Variants in SUSD2 observed in about 807,000 individuals in gnomAD.
SUSD2 encodes sushi domain containing 2, also known as sushi domain-containing protein 2.
A neutral mutation model predicts 93.8 loss-of-function variants in SUSD2; 86 were observed. The observed-to-expected ratio is 0.92, with a 90% CI of 0.77 to 1.10. The LOEUF (loss-of-function observed/expected upper bound fraction) is 1.10, where lower values mean the gene tolerates loss of function less well. Ranked by LOEUF, SUSD2 falls within the 50% of genes least tolerant of loss-of-function variation. SUSD2 has a pLI of 0.00. For missense variants in SUSD2, 1,060 were observed against 1,137.0 expected, an observed-to-expected ratio of 0.93 and a Z score of 0.97; for synonymous variants, 483 against 485.0, an observed-to-expected ratio of 1.00 and a Z score of 0.05.
chr22:24,184,105 C>T, intron 3 of SUSD2, 31 bp from the exon 4 acceptor site: 3 of 1,609,280 alleles, frequency 1.9e-6, no homozygotes, highest in Non-Finnish European at 2.5e-6. Context: ...TGGGCCCAGG[C>T]CCTCACTCAC....
At chr22:24,182,823 T>C in intron 1 of SUSD2, 1 of 551,232 alleles carries the variant, frequency 1.8e-6, no homozygotes, top group Admixed American at 3.3e-5. Context: ...TCTCGCTGCA[T>C]TCTAGCCCGT....
In SUSD2 at chr22:24,185,096, A is replaced by G; in HGVS notation, c.785A>G (p.Asp262Gly). Residue 262 changes from aspartate (D) to glycine (G), a missense_variant and splice_region_variant, in exon 6 of 15, where the codon GAC (aspartate) becomes GGC (glycine). By Grantham distance (94) the Asp-to-Gly change is moderately conservative. Coordinates refer to ENST00000358321, the MANE Select transcript of SUSD2 (RefSeq NM_019601.4). ...CTCCAGCATCATCACCTCCACAGGGACGTGCAGGCGCTCTGGACCAACGAC... is the reference window on the plus strand; with the variant it reads ...CTCCAGCATCATCACCTCCACAGGGGCGTGCAGGCGCTCTGGACCAACGAC... ...IDSKNYAGQK[D>G]VQALWTNDHA... 2 of 1,612,924 alleles carry G rather than the reference A, an allele frequency of 1.2e-6. No individual in the cohort carries two copies. Among genetic ancestry groups the G allele is most frequent in the South Asian group, 2.2e-5 (2 of 91,078 alleles).
Position 24,185,918 on chromosome 22 carries a change from C to A in SUSD2, c.1328C>A (p.Pro443His). The change falls in exon 8 of 15, where the codon CCC becomes CAC. Residue 443 changes from proline to histidine, a missense_variant. Pro to His is a moderately conservative substitution (Grantham distance 77, BLOSUM62 -2). Around this residue, in one of 2 missense-constraint regions of SUSD2, gnomAD observed 973 missense variants for 1,005.3 expected, o/e 0.97. Coordinates refer to ENST00000358321, the MANE Select transcript of SUSD2 (RefSeq NM_019601.4). ...RPSNDCRNYR[P>H]PRLASAFGDP... ...TCCAATGACTGCCGCAACTACCGGC[C>A]CCCAAGACTGGGTGGGTGCCATCCC... is the stretch of plus-strand genomic sequence containing the variant. 1 of 1,570,600 alleles carries A rather than the reference C, an allele frequency of 6.4e-7. No individual in the cohort carries two copies. The highest frequency in any genetic ancestry group is 2.3e-5 in the East Asian group (1 of 43,400).
chr22:24,182,862 G>A, intron 1 of SUSD2, 195 bp from the exon 2 acceptor site: 1 of 597,868 alleles, frequency 1.7e-6, no homozygotes, highest in African/African-American at 1.9e-5. Flanking sequence ...GATGGTCTGT[G>A]CTAAGATTCA....
intron 4 of SUSD2, 68 bp downstream of exon 4, chr22:24,184,371 C>A: frequency 6.5e-7 from 1 of 1,530,410 alleles, no homozygotes; most frequent in Non-Finnish European, 8.9e-7. Flanking sequence ...AAGGGGGTCC[C>A]AGCTGTGTGG....
Position 24,188,098 on chromosome 22 carries a change from CG to C in SUSD2, c.2306del (p.Gly769AlafsTer136). 1.2e-6 allele frequency: 2 copies of C among 1,612,980 alleles called. No homozygotes were observed. Among genetic ancestry groups the C allele is most frequent in the Non-Finnish European group, 1.7e-6 (2 of 1,179,904 alleles). On this transcript the variant is annotated frameshift_variant, in exon 13 of 15. Transcript: ENST00000358321. LOFTEE classifies it high-confidence loss of function. This position sits in a 1 kb window ranked among gnomAD's most constrained non-coding sequence, Gnocchi z 4.7. ...CAGAGACCAGCACCTGCCAGGCTGACGGCACCTGGTCCTCACCCACCCCGAA... is the reference window on the plus strand; with the variant it reads ...CAGAGACCAGCACCTGCCAGGCTGACGCACCTGGTCCTCACCCACCCCGAA... Reference protein sequence around the residue: ...GAETSTCQADGTWSSPTPKCQ... With the variant: ...GAETSTCQADXTWSSPTPKCQ...
rs1165783484 is a variant in SUSD2 at position 24,181,555 on chromosome 22, G to A, written c.36G>A (p.Leu12=). ...CCCTCCTGCCCTGGGCCCTGCTGCTGCTGGCGACAGCCCTCGGCCCGGGCC... is the reference window on the plus strand; with the variant it reads ...CCCTCCTGCCCTGGGCCCTGCTGCTACTGGCGACAGCCCTCGGCCCGGGCC... The part of the protein sequence containing the change: ...KPALLPWALL[L]LATALGPGPG... The change falls in exon 1 of 15, where the codon CTG becomes CTA. Residue 12 remains leucine (L), a synonymous_variant. Transcript: ENST00000358321. The A allele has an allele frequency of 2.5e-6, 4 of 1,599,412 alleles. No individual in the cohort carries two copies. The Admixed American group carries it at 5.1e-5, about 20-fold the overall frequency.
chr22:24,184,939 A>T lies in SUSD2; in HGVS notation c.781A>T (p.Lys261Ter). 1 of 1,613,642 alleles carries T rather than the reference A, an allele frequency of 6.2e-7. No individual in the cohort carries two copies. Among genetic ancestry groups the T allele is most frequent in the Non-Finnish European group, 8.5e-7 (1 of 1,179,862 alleles). Residue 261 changes from lysine to a stop codon, truncating the protein, a stop_gained and splice_region_variant, in exon 5 of 15, where the codon AAG becomes TAG. Coordinates refer to ENST00000358321, the MANE Select transcript of SUSD2 (RefSeq NM_019601.4). LOFTEE classifies it high-confidence loss of function. ...IIDSKNYAGQ[K>*]DVQALWTNDH... ...CGACAGCAAAAATTACGCAGGGCAG[A>T]AGTAAGAAGGCATGGATGTGCAGGT...
At chr22:24,183,024 G>A (rs1363920615) in intron 1 of SUSD2, 33 bp from the exon 2 acceptor site, 18 of 1,598,296 alleles carry the variant, frequency 1.1e-5, no homozygotes, top group South Asian at 4.4e-5. Context: ...TCCAGTACCC[G>A]CCGGGCCAGG....
At position 24,187,221 on chromosome 22, in the gene SUSD2, T is replaced by C. The variant is rs1387014477; in HGVS notation, c.1662T>C (p.Ala554=). Residue 554 remains alanine, a synonymous_variant, in exon 11 of 15, where the codon GCT becomes GCC. Transcript: ENST00000358321. ...MDLKGMFLSV[A]AGDRVSIMLA... is the part of the protein sequence containing the mutation. Reference sequence around the variant, plus strand: ...GCCCAGGAATGTTCCTGTCGGTGGCTGCCGGGGACAGGGTCTCCATCATGC... The same window carrying C: ...GCCCAGGAATGTTCCTGTCGGTGGCCGCCGGGGACAGGGTCTCCATCATGC... 6.2e-6 allele frequency: 10 copies of C among 1,612,958 alleles called. No individual in the cohort carries two copies. In the South Asian group the frequency reaches 6.6e-5, roughly 11 times the overall value.
At position 24,187,995 on chromosome 22, in the gene SUSD2, GA is replaced by G. The variant is rs748895311; in HGVS notation, c.2202del (p.Gln735LysfsTer170). On this transcript the variant is annotated frameshift_variant, in exon 13 of 15. Coordinates refer to ENST00000358321, the MANE Select transcript of SUSD2 (RefSeq NM_019601.4). LOFTEE classifies it high-confidence loss of function. The stretch of plus-strand genomic sequence containing the variant: ...GGCTGGCTGGCCCCACCTCCCAACG[GA>G]CAAAAGGAGGGCAACAGGTACCTGG... ...SCGWLAPPPNGQKEGNRYLAG... is the reference protein window; with the variant it reads ...SCGWLAPPPNXQKEGNRYLAG... 1 of 1,612,930 alleles carries G rather than the reference GA, an allele frequency of 6.2e-7. No homozygotes were observed. The highest frequency in any genetic ancestry group is 1.1e-5 in the South Asian group (1 of 91,084).
Position 24,188,530 on chromosome 22 carries a change from G to C in SUSD2, c.*94G>C, listed in dbSNP as rs2047386341. 1.6e-6 allele frequency: 2 copies of C among 1,251,292 alleles called. No homozygotes were observed. Among genetic ancestry groups the C allele is most frequent in the South Asian group, 1.2e-5 (1 of 80,904 alleles). The allele number at this position is 1,251,292 out of a possible 1,614,324, so 77.5% of individuals were successfully genotyped here. A position where few individuals can be genotyped will look rare whatever the true frequency, so the allele number is the denominator to read the frequency against. On this transcript the variant is annotated 3_prime_UTR_variant, in exon 15 of 15. Transcript: ENST00000358321. The surrounding 1 kb of genome is among the most constrained non-coding windows in gnomAD (Gnocchi z 4.7). ...CGCATCCCCAGGACCAGACACCTGG[G>C]ACCTGGATACTTGATACCTGGGCAT...
At chr22:24,186,186 G>C in intron 9 of SUSD2, 27 bp downstream of exon 9, 1 of 1,608,184 alleles carries the variant, frequency 6.2e-7, no homozygotes, top group Non-Finnish European at 8.5e-7. Flanking sequence ...GGGCTGCTCT[G>C]GTTGGCATGG....
chr22:24,187,642 C>G lies in SUSD2; in HGVS notation c.1963C>G (p.Pro655Ala). The change falls in exon 12 of 15, where the codon CCC (proline) becomes GCC (alanine). Residue 655 changes from proline (P) to alanine (A), a missense_variant. By Grantham distance (27) the Pro-to-Ala change is conservative (BLOSUM62 -1). This residue lies in a region of SUSD2 where 973 missense variants were observed against 1,005.3 expected (regional missense o/e 0.97). Transcript: ENST00000358321. ...CCTGGTCCACAACTTCCTGTACCAA[C>G]CCAAGCACGACCCCACCTTCGAGCC... ...WFLVHNFLYQ[P>A]KHDPTFEPLF... 1.2e-6 allele frequency: 2 copies of G among 1,614,150 alleles called. No homozygotes were observed. Among genetic ancestry groups the G allele is most frequent in the Non-Finnish European group, 1.7e-6 (2 of 1,180,030 alleles).
In SUSD2 at chr22:24,187,314, T is replaced by G; in HGVS notation, c.1755T>G (p.Pro585=). 1.9e-6 allele frequency: 3 copies of G among 1,614,094 alleles called. No individual in the cohort carries two copies. Among genetic ancestry groups the G allele is most frequent in the Non-Finnish European group, 2.5e-6 (3 of 1,180,012 alleles). The change falls in exon 11 of 15, where the codon CCT becomes CCG. Residue 585 remains proline, a synonymous_variant. Transcript: ENST00000358321. The part of the protein sequence containing the change: ...GPFLSVSVLL[P]EKFLTHTHGL... ...TCCTGAGTGTGTCCGTCCTGCTGCC[T>G]GAGAAGTTCCTCACCCACACCCACG...
rs111822055 is a variant in SUSD2 at position 24,182,717 on chromosome 22, T to C, written c.77-340T>C. ...GCTACCGTGGCCCACTGAGGACCCCTGCCTGTGGGATAGAGGACTTGGTGG... is the reference window on the plus strand; with the variant it reads ...GCTACCGTGGCCCACTGAGGACCCCCGCCTGTGGGATAGAGGACTTGGTGG... On this transcript the variant is annotated intron_variant, in intron 1 of 14. Coordinates refer to ENST00000358321, the MANE Select transcript of SUSD2 (RefSeq NM_019601.4). 8.2e-3 allele frequency: 2,095 copies of C among 255,298 alleles called. 37 individuals carry two copies. Among genetic ancestry groups the C allele is most frequent in the African/African-American group, 0.038 (1,709 of 45,118 alleles). The allele number at this position is 255,298 out of a possible 1,614,324, so 15.8% of individuals were successfully genotyped here.
At position 24,181,514 on chromosome 22, in the gene SUSD2, T is replaced by C; in HGVS notation, c.-6T>C. 1 of 1,573,228 alleles carries C rather than the reference T, an allele frequency of 6.4e-7. No individual in the cohort carries two copies. The highest frequency in any genetic ancestry group is 1.3e-5 in the African/African-American group (1 of 74,344). ...TGCACTGCTGGCTGCAGACACAGGC[T>C]GCACCATGAAGCCAGCCCTCCTGCC... On this transcript the variant is annotated 5_prime_UTR_variant, in exon 1 of 15. Transcript: ENST00000358321.
intron 10 of SUSD2, 28 bp downstream of exon 10, chr22:24,186,443 G>C: frequency 6.2e-7 from 1 of 1,607,978 alleles, no homozygotes; most frequent in Non-Finnish European, 8.5e-7. Flanking sequence ...GCGAGGCTGC[G>C]GGCTGCCCTC....
At chr22:24,181,925 T>A (rs1282805991) in intron 1 of SUSD2, among the ~76,000 whole-genome samples, 1 of 152,124 alleles carries the variant, frequency 6.6e-6, no homozygotes, top group East Asian at 1.9e-4. Context: ...TGGGGCTGAA[T>A]CCAGGAAAGT....
Sources: allele counts gnomAD v4.1 joint callset (sites outside exome capture counted in the v4.1 genomes callset), GRCh38; gene constraint gnomAD v4.1.1; regional missense constraint gnomAD v4.1.1; non-coding constraint Gnocchi (gnomAD v3.1); transcripts MANE v1.5; gene names NCBI Gene and HGNC (gene_info 2026-07-23, HGNC 2026-07-21).